The following BMP8A variants were observed in gnomAD, a reference collection of about 807,000 sequenced individuals.
BMP8A encodes the protein bone morphogenetic protein 8a.
A neutral mutation model predicts 36.8 loss-of-function variants in BMP8A; 14 were observed. The ratio of observed to expected loss-of-function variants is 0.38; its 90% confidence interval spans 0.25 to 0.60. The LOEUF is 0.60. BMP8A is among the 20% of genes least tolerant of loss of function. The probability of loss-of-function intolerance (pLI) is 0.63; values close to 1 mark genes in which losing one functional copy is unlikely to be tolerated. For missense variants in BMP8A, 267 were observed against 551.1 expected (o/e 0.48, Z 5.16); for synonymous variants, 120 against 237.7 (o/e 0.50, Z 4.55).
rs1645493547 is a variant in BMP8A, at chr1:39,527,389, C to T, written c.*1591C>T. On this transcript the variant is annotated 3_prime_UTR_variant, in exon 7 of 7. Transcript: ENST00000331593. ...AACAGACAGAGTCCAGCTGCCCAAA[C>T]CGTGTCATTAAAAGCAGATCCTGGG... 1.3e-5 allele frequency among the ~76,000 whole-genome samples: 2 copies of T among 152,208 alleles called. No homozygotes were observed. Among genetic ancestry groups the T allele is most frequent in the African/African-American group, 4.8e-5 (2 of 41,460 alleles).
chr1:39,525,998 C>A lies in BMP8A; in HGVS notation c.*200C>A. The A allele has an allele frequency of 1.1e-6, 1 of 933,636 alleles. No individual in the cohort carries two copies. The highest frequency in any genetic ancestry group is 1.7e-5 in the South Asian group (1 of 58,398). 57.8% of individuals were successfully genotyped at this position (933,636 alleles called of 1,614,324 possible). On this transcript the variant is annotated 3_prime_UTR_variant, in exon 7 of 7. Transcript: ENST00000331593. The stretch of plus-strand genomic sequence containing the variant: ...TGGGGTTTGTGGCTGTCACTCTGCC[C>A]GACACTTTGGTGGCCTAAGGCACAC...
At position 39,529,422 on chromosome 1, in the gene BMP8A, G is replaced by A. The variant is rs1645513863; in HGVS notation, c.*3624G>A. 6.6e-6 allele frequency among the ~76,000 whole-genome samples: 1 copy of A among 152,168 alleles called. No individual in the cohort carries two copies. The highest frequency in any genetic ancestry group is 6.5e-5 in the Admixed American group (1 of 15,280). Reference sequence around the variant, plus strand: ...ACCCACGCGCTAGGGTCTCTGCTGAGGAAGTGGCAGGTGTGCGGCCCTGCC... The same window carrying A: ...ACCCACGCGCTAGGGTCTCTGCTGAAGAAGTGGCAGGTGTGCGGCCCTGCC... On this transcript the variant is annotated 3_prime_UTR_variant, in exon 7 of 7. Transcript: ENST00000331593.
intron 1 of BMP8A, among the ~76,000 whole-genome samples, chr1:39,507,305 G>A (rs1262706536): frequency 6.6e-6 from 1 of 152,188 alleles, no homozygotes; most frequent in Non-Finnish European, 1.5e-5. Context: ...GAATTTTACT[G>A]GGAAAACCCA....
chr1:39,502,849 G>A (rs951255029), intron 1 of BMP8A, among the ~76,000 whole-genome samples: 10 of 152,328 alleles, frequency 6.6e-5, no homozygotes, highest in East Asian at 3.9e-4. Context: ...TTCGAGACTA[G>A]CCTGACCAAT....
At position 39,524,285 on chromosome 1, in the gene BMP8A, C is replaced by T. The variant is rs1645460446; in HGVS notation, c.1059+1168C>T. Among the ~76,000 whole-genome samples, 3 of 152,110 alleles carry T rather than the reference C, an allele frequency of 2.0e-5. No homozygotes were observed. Among genetic ancestry groups the T allele is most frequent in the Admixed American group, 2.0e-4 (3 of 15,276 alleles). On this transcript the variant is annotated intron_variant, in intron 6 of 6. Transcript: ENST00000331593. This position sits in a 1 kb window ranked among gnomAD's most constrained non-coding sequence, Gnocchi z 4.0. The stretch of plus-strand genomic sequence containing the variant: ...CCATCTCCTCTGCCCTTGCCCCTGC[C>T]CCTCAGGGGCTCAACTAGAGTGAGT...
chr1:39,518,100 T>A (rs1645407258), intron 3 of BMP8A, among the ~76,000 whole-genome samples: 1 of 152,052 alleles, frequency 6.6e-6, no homozygotes, highest in African/African-American at 2.4e-5. Context: ...TAAGATTGTG[T>A]GTGTGTGTGT....
rs553276838 is a variant in BMP8A at position 39,514,835 on chromosome 1, C to G, written c.673+2931C>G. On this transcript the variant is annotated intron_variant, in intron 3 of 6. Coordinates refer to ENST00000331593, the MANE Select transcript of BMP8A (RefSeq NM_181809.4). ...GCCTGGCCTAGAGCCTGCGCCTGGCCGGGGAGACCTGCTGGGAGGGAGTGC... is the reference window on the plus strand; with the variant it reads ...GCCTGGCCTAGAGCCTGCGCCTGGCGGGGGAGACCTGCTGGGAGGGAGTGC... 4.1e-4 allele frequency: 477 copies of G among 1,177,626 alleles called. 10 individuals are homozygous for G. In the East Asian group the frequency reaches 0.014, roughly 35 times the overall value. The allele number at this position is 1,177,626 out of a possible 1,614,324, so 72.9% of individuals were successfully genotyped here. A position where few individuals can be genotyped will look rare whatever the true frequency, so the allele number is the denominator to read the frequency against.
chr1:39,519,333 GCT>G (rs1645414521), intron 3 of BMP8A, among the ~76,000 whole-genome samples: 1 of 138,396 alleles, frequency 7.2e-6, no homozygotes, highest in Non-Finnish European at 1.6e-5. Context: ...CACTCAGGCT[GCT>G]CTGTTCTCTC....
In BMP8A at chr1:39,500,801, C is replaced by T. The variant is rs1226229957; in HGVS notation, c.334+8476C>T. Among the ~76,000 whole-genome samples, 5 of 151,926 alleles carry T rather than the reference C, an allele frequency of 3.3e-5. No individual in the cohort carries two copies. In the South Asian group the frequency reaches 6.2e-4, roughly 19 times the overall value. On this transcript the variant is annotated intron_variant, in intron 1 of 6. Transcript: ENST00000331593. ...CCAAGTAGCTGGGACTACAGGTGCCCGCCACCACACCTGGCTAATTTTTTG... is the reference window on the plus strand; with the variant it reads ...CCAAGTAGCTGGGACTACAGGTGCCTGCCACCACACCTGGCTAATTTTTTG...
At chr1:39,507,585 G>T (rs1219178389) in intron 1 of BMP8A, among the ~76,000 whole-genome samples, 2 of 152,168 alleles carry the variant, frequency 1.3e-5, no homozygotes, top group African/African-American at 4.8e-5. Context: ...ATTGTATTTG[G>T]TACTTTCTGT....
chr1:39,497,179 T>C (rs1486916065), intron 1 of BMP8A, among the ~76,000 whole-genome samples: 2 of 152,246 alleles, frequency 1.3e-5, no homozygotes, highest in East Asian at 1.9e-4. Flanking sequence ...TCCATTGTTA[T>C]GGACATTCGG....
At position 39,492,002 on chromosome 1, in the gene BMP8A, G is replaced by A. The variant is rs1426657769; in HGVS notation, c.11G>A (p.Arg4His). The A allele has an allele frequency of 1.8e-6, 2 of 1,084,710 alleles. No individual in the cohort carries two copies. Among genetic ancestry groups the A allele is most frequent in the East Asian group, 1.2e-4 (2 of 16,460 alleles). 67.2% of individuals were successfully genotyped at this position (1,084,710 alleles called of 1,614,324 possible). A position where few individuals can be genotyped will look rare whatever the true frequency, so the allele number is the denominator to read the frequency against. The change falls in exon 1 of 7, where the codon CGC becomes CAC. Residue 4 changes from arginine to histidine, a missense_variant. By Grantham distance (29) the Arg-to-His change is conservative. Coordinates refer to ENST00000331593, the MANE Select transcript of BMP8A (RefSeq NM_181809.4). ...CGCCCCCGGCCCGCCATGGCCGCGC[G>A]CCCCGGACCGCTCTGGCTTCTGGGC... MAA[R>H]PGPLWLLGLT... is the part of the protein sequence containing the mutation.
chr1:39,508,104 A>G (rs2124346908), intron 1 of BMP8A, among the ~76,000 whole-genome samples: 1 of 152,294 alleles, frequency 6.6e-6, no homozygotes, highest in African/African-American at 2.4e-5. Context: ...ACAAAAAATT[A>G]GCTAGGCGTG....
chr1:39,499,134 C>T (rs903307426), intron 1 of BMP8A, among the ~76,000 whole-genome samples: 4 of 152,228 alleles, frequency 2.6e-5, no homozygotes, highest in Non-Finnish European at 5.9e-5. Context: ...GAACCAGAGA[C>T]AGCAAGCCCT....
rs1557697028 is a variant in BMP8A at position 39,525,825 on chromosome 1, CA to C, written c.*28del. The C allele has an allele frequency of 1.2e-6, 2 of 1,612,982 alleles. No homozygotes were observed. Among genetic ancestry groups the C allele is most frequent in the Non-Finnish European group, 1.7e-6 (2 of 1,179,986 alleles). On this transcript the variant is annotated 3_prime_UTR_variant, in exon 7 of 7. Coordinates refer to ENST00000331593, the MANE Select transcript of BMP8A (RefSeq NM_181809.4). ...TCAGCCCGCCCAGCCCTACTGCAGC[CA>C]CCCTTCTCATCTGGATCGGGCCCTG...
chr1:39,493,236 AC>A (rs1557683324), intron 1 of BMP8A, among the ~76,000 whole-genome samples: 1 of 152,106 alleles, frequency 6.6e-6, no homozygotes, highest in Non-Finnish European at 1.5e-5. Flanking sequence ...GGGAGTGGGT[AC>A]CTGCCCCAGC....
chr1:39,523,209 A>C, intron 6 of BMP8A, 92 bp downstream of exon 6: 1 of 1,403,396 alleles, frequency 7.1e-7, no homozygotes, highest in South Asian at 1.2e-5. Flanking sequence ...CAGTGAGGCC[A>C]CCTGCTCCAT....
chr1:39,492,142 G>T lies in BMP8A; in HGVS notation c.151G>T (p.Val51Leu). 7.9e-7 allele frequency: 1 copy of T among 1,265,410 alleles called. No homozygotes were observed. Among genetic ancestry groups the T allele is most frequent in the Non-Finnish European group, 9.9e-7 (1 of 1,010,900 alleles). The allele number at this position is 1,265,410 out of a possible 1,614,324, so 78.4% of individuals were successfully genotyped here. Reference protein sequence around the residue: ...RRDVQREILAVLGLPGRPRPR... With the variant: ...RRDVQREILALLGLPGRPRPR... ...GGACGTGCAGCGCGAGATCCTGGCG[G>T]TGCTCGGGCTACCCGGGCGGCCCCG... The change falls in exon 1 of 7, where the codon GTG becomes TTG. Residue 51 changes from valine to leucine, a missense_variant. Around this residue, in one of 7 missense-constraint regions of BMP8A, gnomAD observed 56 missense variants for 74.1 expected, o/e 0.76. Coordinates refer to ENST00000331593, the MANE Select transcript of BMP8A (RefSeq NM_181809.4).
At chr1:39,522,812 C>T (rs1331715422) in intron 5 of BMP8A, among the ~76,000 whole-genome samples, 195 bp from the exon 6 acceptor site, 3 of 146,080 alleles carry the variant, frequency 2.1e-5, no homozygotes, top group Admixed American at 6.7e-5. Flanking sequence ...TGGGGAGGGC[C>T]GGCTGGGGAG....
Sources: allele counts gnomAD v4.1 joint callset (sites outside exome capture counted in the v4.1 genomes callset), GRCh38; gene constraint gnomAD v4.1.1; regional missense constraint gnomAD v4.1.1; non-coding constraint Gnocchi (gnomAD v3.1); transcripts MANE v1.5; gene names NCBI Gene and HGNC (gene_info 2026-07-23, HGNC 2026-07-21).